Variants in FER1L6 observed in about 807,000 individuals in gnomAD.
The protein encoded by FER1L6 is fer-1 like family member 6.
FER1L6 carries 177 observed loss-of-function variants against 219.2 expected under a neutral mutation model. The ratio of observed to expected loss-of-function variants is 0.81; its 90% CI spans 0.71 to 0.91. The LOEUF is 0.91. Ranked by LOEUF, FER1L6 falls within the 40% of genes least tolerant of loss-of-function variation. The pLI, the probability that FER1L6 is intolerant of heterozygous loss-of-function variation, is 0.00. For synonymous variants in FER1L6, 768 were observed against 824.3 expected (o/e 0.93, Z 1.17); for missense variants, 2,153 against 2,259.9 (o/e 0.95, Z 0.96).
chr8:123,871,504 G>A (rs1210034644), intron 1 of FER1L6, among the ~76,000 whole-genome samples: 1 of 152,074 alleles, frequency 6.6e-6, no homozygotes, highest in Non-Finnish European at 1.5e-5. Flanking sequence ...TTTGTAAATG[G>A]GATGAAAGAT....
At chr8:123,933,495 C>T (rs966101339) in intron 1 of FER1L6, among the ~76,000 whole-genome samples, 19 of 152,090 alleles carry the variant, frequency 1.2e-4, no homozygotes, top group Admixed American at 4.6e-4. Flanking sequence ...GTGTCTGGCA[C>T]GTAGCAAGCA....
intron 18 of FER1L6, 80 bp from the exon 19 acceptor site, chr8:124,035,197 G>A: frequency 4.8e-6 from 7 of 1,453,322 alleles, no homozygotes; most frequent in South Asian, 1.3e-5. Context: ...GTGTCTCCAG[G>A]AAGGACCTCT....
rs1468506226 is a variant in FER1L6 at position 124,027,837 on chromosome 8, C to T, written c.2286+4241C>T. 2.0e-5 allele frequency among the ~76,000 whole-genome samples: 3 copies of T among 152,304 alleles called. No individual in the cohort carries two copies. The East Asian group carries it at 5.8e-4, about 29-fold the overall frequency. Reference sequence around the variant, plus strand: ...TTGGCCTCCCAAAGCACTGAGATTACAGACGAGAGCCATTGTGCCTGGCCT... The same window carrying T: ...TTGGCCTCCCAAAGCACTGAGATTATAGACGAGAGCCATTGTGCCTGGCCT... On this transcript the variant is annotated intron_variant, in intron 18 of 40. Coordinates refer to ENST00000522917, the MANE Select transcript of FER1L6 (RefSeq NM_001039112.2).
intron 1 of FER1L6, among the ~76,000 whole-genome samples, chr8:123,873,261 G>A (rs986081096): frequency 2.0e-5 from 3 of 152,120 alleles, no homozygotes; most frequent in African/African-American, 4.8e-5. Flanking sequence ...ATCTCCATGT[G>A]GCTCCACACT....
chr8:124,009,904 C>A (rs948545209), intron 13 of FER1L6, among the ~76,000 whole-genome samples: 2 of 151,614 alleles, frequency 1.3e-5, no homozygotes, highest in Non-Finnish European at 2.9e-5. Flanking sequence ...GCTGGCAACC[C>A]GGGCAGGAGA....
intron 29 of FER1L6, among the ~76,000 whole-genome samples, chr8:124,070,104 A>G (rs1264737008): frequency 2.0e-5 from 3 of 152,190 alleles, no homozygotes; most frequent in African/African-American, 7.2e-5. Context: ...ATGTGTTCAG[A>G]ATTAGATATT....
intron 18 of FER1L6, among the ~76,000 whole-genome samples, 161 bp from the exon 19 acceptor site, chr8:124,035,116 A>G (rs1345400655): frequency 6.6e-6 from 1 of 152,196 alleles, no homozygotes; most frequent in African/African-American, 2.4e-5. Flanking sequence ...CATCAAGGCA[A>G]TTGGGGCCAT....
intron 24 of FER1L6, 56 bp from the exon 25 acceptor site, chr8:124,061,796 G>C: frequency 6.4e-7 from 1 of 1,570,994 alleles, no homozygotes; most frequent in South Asian, 1.1e-5. Flanking sequence ...GCTGGCTTTG[G>C]GTCTGCCCAT....
intron 12 of FER1L6, among the ~76,000 whole-genome samples, chr8:123,994,495 G>T (rs978223767): frequency 1.3e-5 from 2 of 152,182 alleles, no homozygotes; most frequent in Non-Finnish European, 2.9e-5. Context: ...ACACATTGGC[G>T]AGACATATCT....
intron 13 of FER1L6, among the ~76,000 whole-genome samples, 177 bp downstream of exon 13, chr8:124,003,524 C>T (rs1367696080): frequency 2.5e-5 from 3 of 121,560 alleles, no homozygotes; most frequent in Non-Finnish European, 4.7e-5. Flanking sequence ...GTGCAGTGTG[C>T]AGTGGCACGA....
chr8:124,013,905 T>C (rs1406359638), intron 15 of FER1L6, among the ~76,000 whole-genome samples: 1 of 152,074 alleles, frequency 6.6e-6, no homozygotes, highest in Non-Finnish European at 1.5e-5. Flanking sequence ...AATACCATAG[T>C]AGGGCTGAGG....
intron 1 of FER1L6, among the ~76,000 whole-genome samples, chr8:123,903,255 G>A (rs997468170): frequency 2.0e-5 from 3 of 151,984 alleles, no homozygotes; most frequent in African/African-American, 4.8e-5. Flanking sequence ...CTAGTATATC[G>A]ACTTTGGAAA....
intron 27 of FER1L6, 120 bp from the exon 28 acceptor site, chr8:124,067,647 A>T: frequency 1.1e-6 from 1 of 893,366 alleles, no homozygotes; most frequent in Non-Finnish European, 1.8e-6. Context: ...CTGCTTACAG[A>T]CTGTTTGAAT....
intron 13 of FER1L6, among the ~76,000 whole-genome samples, chr8:124,004,504 T>C (rs1817570972): frequency 6.6e-6 from 1 of 152,182 alleles, no homozygotes; most frequent in African/African-American, 2.4e-5. Flanking sequence ...GAACCATGAC[T>C]ACTCTCAGGA....
chr8:123,933,727 A>C (rs1184577519), intron 1 of FER1L6, among the ~76,000 whole-genome samples: 1 of 152,228 alleles, frequency 6.6e-6, no homozygotes, highest in East Asian at 1.9e-4. Flanking sequence ...TATCACTCAG[A>C]TCTAGAACCA....
intron 32 of FER1L6, among the ~76,000 whole-genome samples, chr8:124,081,461 T>G (rs564970184): frequency 6.6e-6 from 1 of 152,044 alleles, no homozygotes; most frequent in Admixed American, 6.6e-5. Flanking sequence ...CTTGGGCAAG[T>G]TGCTAGTGTT....
chr8:124,118,665 T>G (rs1823348715), intron 39 of FER1L6, among the ~76,000 whole-genome samples, 179 bp from the exon 40 acceptor site: 1 of 152,216 alleles, frequency 6.6e-6, no homozygotes, highest in African/African-American at 2.4e-5. Flanking sequence ...GCTTTTACTG[T>G]TCATCATAAA....
At chr8:124,035,129 T>C (rs4871451) in intron 18 of FER1L6, 148 bp from the exon 19 acceptor site, 659,277 of 773,198 alleles carry the variant, frequency 0.85, 282,357 homozygotes, top group African/African-American at 0.94. Flanking sequence ...GGGGCCATTG[T>C]CTTTATTTTG....
intron 2 of FER1L6, among the ~76,000 whole-genome samples, chr8:123,958,331 C>T (rs1253542549): frequency 6.6e-6 from 1 of 152,186 alleles, no homozygotes; most frequent in East Asian, 1.9e-4. Flanking sequence ...AGGTCTCTTA[C>T]CCTCTGCCTT....
Sources: allele counts gnomAD v4.1 joint callset (sites outside exome capture counted in the v4.1 genomes callset), GRCh38; gene constraint gnomAD v4.1.1; transcripts MANE v1.5; gene names NCBI Gene and HGNC (gene_info 2026-07-23, HGNC 2026-07-21).